Variants in VPS8 observed in about 807,000 individuals in gnomAD.
The protein encoded by VPS8 is VPS8 subunit of CORVET complex, also known as vacuolar protein sorting-associated protein 8 homolog.
A neutral mutation model predicts 216.4 loss-of-function variants in VPS8; 129 were observed. The ratio of observed to expected loss-of-function variants is 0.60; its 90% CI spans 0.52 to 0.69. The LOEUF (loss-of-function observed/expected upper bound fraction) is 0.69. VPS8 is among the 30% of genes least tolerant of loss of function. The pLI is 0.00. For missense variants in VPS8, 1,531 were observed against 1,683.5 expected, an observed-to-expected ratio of 0.91 and a Z score of 1.59; for synonymous variants, 571 against 565.4, an observed-to-expected ratio of 1.01 and a Z score of -0.14.
intron 28 of VPS8, 101 bp downstream of exon 28, chr3:184,915,575 G>A (rs1429379293): frequency 1.8e-5 from 23 of 1,266,424 alleles, no homozygotes; most frequent in Middle Eastern, 2.9e-4. Context: ...CACTTTGGCC[G>A]AGGCAGGCAG....
chr3:184,939,032 A>C (rs1742169595), intron 35 of VPS8, among the ~76,000 whole-genome samples: 1 of 150,022 alleles, frequency 6.7e-6, no homozygotes, highest in African/African-American at 2.4e-5. Flanking sequence ...CCTGTCTCAA[A>C]AAAAAAAAAA....
chr3:184,910,128 ATT>A (rs10707371), intron 25 of VPS8, among the ~76,000 whole-genome samples: 210 of 87,266 alleles, frequency 2.4e-3, no homozygotes, highest in South Asian at 3.6e-3. Flanking sequence ...AGATTCTCCT[ATT>A]TTTTTTTTTT....
chr3:184,986,371 A>G (rs1466651432), intron 42 of VPS8, among the ~76,000 whole-genome samples: 1 of 152,214 alleles, frequency 6.6e-6, no homozygotes, highest in African/African-American at 2.4e-5. Flanking sequence ...TGTGTCTTTA[A>G]TTGCTTTATA....
chr3:184,813,007 A>G (rs1332279602), intron 1 of VPS8, among the ~76,000 whole-genome samples: 1 of 151,824 alleles, frequency 6.6e-6, no homozygotes, highest in Non-Finnish European at 1.5e-5. Flanking sequence ...GTTCGAGGCT[A>G]CTCCTGTGCC....
At chr3:184,824,861 C>CT (rs1163010128) in intron 2 of VPS8, 76 bp downstream of exon 2, 10 of 1,377,604 alleles carry the variant, frequency 7.3e-6, no homozygotes, top group East Asian at 5.0e-5. Flanking sequence ...CCCAGAGACT[C>CT]TAAGTCTGTC....
chr3:184,934,017 A>C (rs1349551376), intron 34 of VPS8, among the ~76,000 whole-genome samples: 1 of 152,236 alleles, frequency 6.6e-6, no homozygotes, highest in Non-Finnish European at 1.5e-5. Flanking sequence ...ATTGCACTGA[A>C]TCTATCAATA....
chr3:185,019,736 T>A (rs1206133358), intron 45 of VPS8, among the ~76,000 whole-genome samples: 1 of 152,220 alleles, frequency 6.6e-6, no homozygotes, highest in Non-Finnish European at 1.5e-5. Context: ...CATGTCACAA[T>A]GCTGTAGAGA....
intron 42 of VPS8, among the ~76,000 whole-genome samples, chr3:184,986,091 A>T (rs1221386740): frequency 6.6e-6 from 1 of 152,196 alleles, no homozygotes; most frequent in Non-Finnish European, 1.5e-5. Flanking sequence ...ATGGCTATAT[A>T]TGACCAAAGG....
intron 46 of VPS8, among the ~76,000 whole-genome samples, chr3:185,027,121 A>G (rs982529482): frequency 6.6e-6 from 1 of 151,944 alleles, no homozygotes; most frequent in South Asian, 2.1e-4. Flanking sequence ...GGGTAAACTG[A>G]TAGTTACCGA....
At chr3:184,987,941 T>G (rs1349504360) in intron 42 of VPS8, among the ~76,000 whole-genome samples, 1 of 152,250 alleles carries the variant, frequency 6.6e-6, no homozygotes, top group Non-Finnish European at 1.5e-5. Context: ...CGTGTAGTAG[T>G]CTCATCATTG....
At chr3:184,836,908 A>G (rs894932371) in intron 5 of VPS8, among the ~76,000 whole-genome samples, 1 of 152,326 alleles carries the variant, frequency 6.6e-6, no homozygotes, top group East Asian at 1.9e-4. Flanking sequence ...ACATGTGACT[A>G]TACTTTAAAA....
intron 43 of VPS8, among the ~76,000 whole-genome samples, chr3:184,994,752 CAGAT>C (rs1208791199): frequency 2.6e-5 from 4 of 152,058 alleles, no homozygotes; most frequent in Non-Finnish European, 4.4e-5. Flanking sequence ...CATTCTGAAA[CAGAT>C]AGTTGTCACT....
At chr3:184,825,348 G>T (rs1177075254) in intron 2 of VPS8, among the ~76,000 whole-genome samples, 2 of 152,034 alleles carry the variant, frequency 1.3e-5, no homozygotes, top group African/African-American at 4.8e-5. Flanking sequence ...AGAGCCAGTG[G>T]TAGTTCCTTA....
chr3:184,988,882 C>A (rs1751495594), intron 42 of VPS8, among the ~76,000 whole-genome samples: 1 of 152,266 alleles, frequency 6.6e-6, no homozygotes, highest in African/African-American at 2.4e-5. Flanking sequence ...TTAGACATAT[C>A]TAAATATTTC....
chr3:184,894,717 G>C lies in VPS8; in HGVS notation c.1796G>C (p.Ser599Thr). ...LLLQRKDLLF[S>T]QMYDKLSENS... ...TTCTGTTACAGGGATCTTTTATTTAGTCAGATGTATGATAAATTAAGTGAG... is the reference window on the plus strand; with the variant it reads ...TTCTGTTACAGGGATCTTTTATTTACTCAGATGTATGATAAATTAAGTGAG... The change falls in exon 23 of 48, where the codon AGT becomes ACT. Residue 599 changes from serine to threonine, a missense_variant. This residue lies in a region of VPS8 where 1,318 missense variants were observed against 1,468.4 expected (regional missense o/e 0.90). Coordinates refer to ENST00000625842, the MANE Select transcript of VPS8 (RefSeq NM_001009921.3). 6.2e-7 allele frequency: 1 copy of C among 1,600,070 alleles called. No individual in the cohort carries two copies. The highest frequency in any genetic ancestry group is 8.5e-7 in the Non-Finnish European group (1 of 1,172,472).
chr3:184,992,683 T>G (rs1247794006), intron 42 of VPS8, among the ~76,000 whole-genome samples: 5 of 152,126 alleles, frequency 3.3e-5, no homozygotes, highest in Non-Finnish European at 5.9e-5. Flanking sequence ...TTCTCCTATT[T>G]GGCATGGAAA....
intron 7 of VPS8, among the ~76,000 whole-genome samples, chr3:184,841,643 A>G (rs1324853846): frequency 1.3e-5 from 2 of 152,218 alleles, no homozygotes; most frequent in Non-Finnish European, 2.9e-5. Context: ...ATGGCCCCCT[A>G]GAAAAGTTCT....
In VPS8 at chr3:184,863,088, T is replaced by C. The variant is rs763432642; in HGVS notation, c.1395+21T>C. ...CACTGGTAAGGATAATCACTTATCT[T>C]GCTATCCTAGAAAATACTTTGATAA... On this transcript the variant is annotated intron_variant, in intron 16 of 47. Transcript: ENST00000625842. 2.5e-6 allele frequency: 4 copies of C among 1,609,630 alleles called. No homozygotes were observed. In the Admixed American group the frequency reaches 6.7e-5, roughly 27 times the overall value.
At chr3:184,920,087 AAAT>A (rs1250742274) in intron 28 of VPS8, 37 bp from the exon 29 acceptor site, 1 of 1,340,862 alleles carries the variant, frequency 7.5e-7, no homozygotes, top group East Asian at 2.6e-5. Flanking sequence ...CTACATGTGC[AAAT>A]AATAATTACT....
Sources: gnomAD v4.1 joint callset for allele counts (sites outside exome capture counted in the v4.1 genomes callset) on GRCh38, gnomAD v4.1.1 for gene constraint, gnomAD v4.1.1 regional missense constraint, MANE v1.5 for transcripts, NCBI Gene and HGNC (gene_info 2026-07-23, HGNC 2026-07-21) for gene names.